DOCK3: variants seen among roughly 807,000 people sequenced by gnomAD.
The protein encoded by DOCK3 is dedicator of cytokinesis protein 3.
In DOCK3, 60 loss-of-function variants were observed where a neutral mutation model predicts 265.6. The observed-to-expected ratio is 0.23, with a 90% CI of 0.18 to 0.28. The LOEUF is 0.28. Among genes scored for constraint, DOCK3 ranks in the 10% least tolerant of loss-of-function variants. The pLI is 1.00. For synonymous variants in DOCK3, 881 were observed against 938.0 expected, an observed-to-expected ratio of 0.94 and a Z score of 1.11; for missense variants, 1,981 against 2,594.3, an observed-to-expected ratio of 0.76 and a Z score of 5.14.
intron 3 of DOCK3, among the ~76,000 whole-genome samples, chr3:50,873,237 T>C (rs1559751560): frequency 6.6e-6 from 1 of 152,128 alleles, no homozygotes; most frequent in Non-Finnish European, 1.5e-5. Flanking sequence ...CCAGGGGCTC[T>C]TTAGGTAGCA....
intron 1 of DOCK3, among the ~76,000 whole-genome samples, chr3:50,704,848 C>T (rs141998109): frequency 2.4e-4 from 36 of 151,954 alleles, no homozygotes; most frequent in Non-Finnish European, 3.1e-4. Flanking sequence ...AGGCTGGTCT[C>T]GAACTCCTGA....
At chr3:51,270,791 C>T (rs1168193808) in intron 23 of DOCK3, 24 bp from the exon 24 acceptor site, 1 of 1,603,908 alleles carries the variant, frequency 6.2e-7, no homozygotes, top group East Asian at 2.2e-5. Flanking sequence ...TCTGTGCTAA[C>T]CACAGCTTCA....
At position 51,312,595 on chromosome 3, in the gene DOCK3, A is replaced by G; in HGVS notation, c.3194+19A>G. 1 of 1,559,934 alleles carries G rather than the reference A, an allele frequency of 6.4e-7. No homozygotes were observed. Among genetic ancestry groups the G allele is most frequent in the Middle Eastern group, 1.7e-4 (1 of 5,778 alleles). On this transcript the variant is annotated intron_variant, in intron 30 of 52. Transcript: ENST00000266037. ...TAGATAAGTAAGATAAACGTCTTAT[A>G]TTCATCTCCTTACCACTTGGCCAAA...
intron 9 of DOCK3, among the ~76,000 whole-genome samples, chr3:51,120,401 G>A (rs929656292): frequency 3.3e-5 from 5 of 152,136 alleles, no homozygotes; most frequent in East Asian, 1.9e-4. Flanking sequence ...GGTGTCTGTC[G>A]ACCCCTACTG....
At position 51,123,720 on chromosome 3, in the gene DOCK3, A is replaced by G. The variant is rs1450431718; in HGVS notation, c.747-22829A>G. On this transcript the variant is annotated intron_variant, in intron 9 of 52. Coordinates refer to ENST00000266037, the MANE Select transcript of DOCK3 (RefSeq NM_004947.5). ...CCCAAGGTTTATTGGGGGCTGTCAC[A>G]TGGGCACCCTCTGTGTAGCACATGC... 2.0e-5 allele frequency among the ~76,000 whole-genome samples: 3 copies of G among 152,194 alleles called. No individual in the cohort carries two copies. The East Asian group carries it at 5.8e-4, about 29-fold the overall frequency.
At chr3:50,800,835 GTGTTCCCTAGCTTTTGGGA>G (rs2043030787) in intron 2 of DOCK3, among the ~76,000 whole-genome samples, 1 of 151,916 alleles carries the variant, frequency 6.6e-6, no homozygotes, top group South Asian at 2.1e-4. Context: ...TGCTTTTGCT[GTGTTCCCTAGCTTTTGGGA>G]TCTTACGATT....
At chr3:50,852,729 T>C (rs1237993620) in intron 3 of DOCK3, among the ~76,000 whole-genome samples, 1 of 152,156 alleles carries the variant, frequency 6.6e-6, no homozygotes, top group East Asian at 1.9e-4. Context: ...AACTTTCTGA[T>C]TTTTTTGTGT....
chr3:50,830,230 G>T (rs1012182936), intron 2 of DOCK3, among the ~76,000 whole-genome samples: 3 of 152,150 alleles, frequency 2.0e-5, no homozygotes, highest in Non-Finnish European at 2.9e-5. Flanking sequence ...TTTTAAAAGG[G>T]TGTAGATTTT....
chr3:51,272,349 T>C (rs1456739162), intron 24 of DOCK3, among the ~76,000 whole-genome samples: 1 of 150,942 alleles, frequency 6.6e-6, no homozygotes, highest in Non-Finnish European at 1.5e-5. Flanking sequence ...TGATCTCAGC[T>C]CACCGCAGCC....
chr3:51,138,667 CA>C (rs1226195015), intron 9 of DOCK3, among the ~76,000 whole-genome samples: 3 of 152,172 alleles, frequency 2.0e-5, no homozygotes, highest in East Asian at 3.9e-4. Flanking sequence ...TGGGCAGCTC[CA>C]AAAAGCAGCC....
chr3:51,222,300 G>A (rs1236450072), intron 14 of DOCK3, among the ~76,000 whole-genome samples: 2 of 152,166 alleles, frequency 1.3e-5, no homozygotes. Flanking sequence ...TGATCCCACT[G>A]GTAGGTTTTG....
chr3:51,165,218 C>T (rs1035571653), intron 12 of DOCK3, among the ~76,000 whole-genome samples: 4 of 152,148 alleles, frequency 2.6e-5, no homozygotes, highest in African/African-American at 7.2e-5. Flanking sequence ...TGAGCCACCA[C>T]GCCTGGCCAG....
At chr3:50,840,474 T>G (rs1208681515) in intron 2 of DOCK3, among the ~76,000 whole-genome samples, 1 of 152,252 alleles carries the variant, frequency 6.6e-6, no homozygotes, top group Non-Finnish European at 1.5e-5. Context: ...GAAAACTTTT[T>G]TTTCCATTTT....
At chr3:50,717,777 C>T (rs2037215039) in intron 1 of DOCK3, among the ~76,000 whole-genome samples, 1 of 152,074 alleles carries the variant, frequency 6.6e-6, no homozygotes, top group Non-Finnish European at 1.5e-5. Flanking sequence ...CATGCGCCAC[C>T]ATGCCCGGCT....
chr3:51,148,706 C>T (rs542910845), intron 10 of DOCK3, among the ~76,000 whole-genome samples: 1 of 152,276 alleles, frequency 6.6e-6, no homozygotes, highest in African/African-American at 2.4e-5. Flanking sequence ...GTCTATACCT[C>T]TGTTTTGGTA....
chr3:50,920,401 T>C (rs1431210058), intron 4 of DOCK3, among the ~76,000 whole-genome samples: 1 of 152,198 alleles, frequency 6.6e-6, no homozygotes, highest in Non-Finnish European at 1.5e-5. Context: ...GTTGGTAGTC[T>C]ATTAATTATT....
At chr3:51,158,127 G>A (rs1459679124) in intron 10 of DOCK3, among the ~76,000 whole-genome samples, 2 of 152,136 alleles carry the variant, frequency 1.3e-5, no homozygotes, top group Admixed American at 6.6e-5. Context: ...GGCTGAGAGA[G>A]CAGCAAGAAA....
At chr3:51,286,799 A>G (rs907851174) in intron 27 of DOCK3, among the ~76,000 whole-genome samples, 9 of 152,234 alleles carry the variant, frequency 5.9e-5, no homozygotes, top group Admixed American at 6.5e-5. Context: ...TCCTCATGCC[A>G]TATACAAAAA....
intron 5 of DOCK3, among the ~76,000 whole-genome samples, chr3:50,991,927 G>T (rs1304244689): frequency 6.6e-6 from 1 of 152,058 alleles, no homozygotes; most frequent in African/African-American, 2.4e-5. Flanking sequence ...TAGAAGTCAA[G>T]ACTATAAAAA....
Sources: gnomAD v4.1 joint callset for allele counts (sites outside exome capture counted in the v4.1 genomes callset) on GRCh38, gnomAD v4.1.1 for gene constraint, MANE v1.5 for transcripts, NCBI Gene and HGNC (gene_info 2026-07-23, HGNC 2026-07-21) for gene names.